The following PAMR1 variants were observed in gnomAD, a reference collection of about 807,000 sequenced individuals.
PAMR1 encodes the protein inactive serine protease PAMR1.
In PAMR1, 88 loss-of-function variants were observed where a neutral mutation model predicts 81.8. The observed-to-expected ratio is 1.08, with a 90% CI of 0.91 to 1.28. PAMR1 has a LOEUF of 1.28. PAMR1 is among the 50% of genes most tolerant of loss of function. PAMR1 has a pLI of 0.00. For missense variants in PAMR1, 935 were observed against 919.7 expected, an observed-to-expected ratio of 1.02 and a Z score of -0.21; for synonymous variants, 336 against 345.3, an observed-to-expected ratio of 0.97 and a Z score of 0.30.
intron 3 of PAMR1, among the ~76,000 whole-genome samples, chr11:35,488,199 T>G (rs1307929048): frequency 4.9e-4 from 11 of 22,658 alleles, no homozygotes; most frequent in Middle Eastern, 0.021. Context: ...TTTCCCATCT[T>G]TTTTTTTTTT....
At chr11:35,459,800 G>A (rs1006983591) in intron 6 of PAMR1, among the ~76,000 whole-genome samples, 1 of 152,202 alleles carries the variant, frequency 6.6e-6, no homozygotes, top group South Asian at 2.1e-4. Context: ...AAAGGGCTAA[G>A]ATTGGAATTG....
rs16927548 is a variant in PAMR1, at chr11:35,498,573, A to G, written c.74-4301T>C. Among the ~76,000 whole-genome samples, 1,002 of 152,332 alleles carry G rather than the reference A, an allele frequency of 6.6e-3. 9 individuals are homozygous for G. Among genetic ancestry groups the G allele is most frequent in the African/African-American group, 0.022 (919 of 41,574 alleles). On this transcript the variant is annotated intron_variant, in intron 1 of 10. Coordinates refer to ENST00000619888, the MANE Select transcript of PAMR1 (RefSeq NM_001001991.3). Reference sequence around the variant, plus strand: ...TTCTCAAGGATATGGTTTTTTACGTATGTCAGATCAATTTCTTGCTTAAAA... The same window carrying G: ...TTCTCAAGGATATGGTTTTTTACGTGTGTCAGATCAATTTCTTGCTTAAAA...
intron 3 of PAMR1, among the ~76,000 whole-genome samples, chr11:35,484,507 C>G (rs1177512783): frequency 6.6e-6 from 1 of 152,236 alleles, no homozygotes; most frequent in Non-Finnish European, 1.5e-5. Flanking sequence ...TAAGCCTTCT[C>G]CCCACTCCCC....
chr11:35,433,804 A>G (rs895606682), intron 10 of PAMR1, among the ~76,000 whole-genome samples: 2 of 150,692 alleles, frequency 1.3e-5, no homozygotes, highest in Admixed American at 6.6e-5. Flanking sequence ...GGATGGATGG[A>G]TAGATGGAGG....
intron 1 of PAMR1, among the ~76,000 whole-genome samples, chr11:35,506,750 C>G (rs1850965859): frequency 6.6e-6 from 1 of 151,744 alleles, no homozygotes; most frequent in Non-Finnish European, 1.5e-5. Flanking sequence ...TTGTCCTTGA[C>G]TTTTAAGAGT....
intron 1 of PAMR1, among the ~76,000 whole-genome samples, chr11:35,512,721 G>A (rs1851095307): frequency 6.6e-6 from 1 of 152,160 alleles, no homozygotes; most frequent in Non-Finnish European, 1.5e-5. Flanking sequence ...GGGTGGGCAT[G>A]GTGGTTCATG....
intron 6 of PAMR1, among the ~76,000 whole-genome samples, chr11:35,442,414 G>A (rs975807011): frequency 1.3e-5 from 2 of 152,040 alleles, no homozygotes; most frequent in African/African-American, 2.4e-5. Context: ...AGGATTTTTA[G>A]ATATATTCTG....
chr11:35,497,936 C>T (rs948177987), intron 1 of PAMR1, among the ~76,000 whole-genome samples: 10 of 151,966 alleles, frequency 6.6e-5, no homozygotes, highest in African/African-American at 2.4e-4. Context: ...GGGAAGCCAT[C>T]CAGTTAGAAA....
intron 6 of PAMR1, among the ~76,000 whole-genome samples, chr11:35,449,312 G>C (rs940331078): frequency 5.3e-5 from 8 of 151,882 alleles, no homozygotes; most frequent in African/African-American, 1.9e-4. Context: ...CTCAGAGCCA[G>C]CAAGCAGGAA....
chr11:35,464,202 A>C (rs992972355), intron 6 of PAMR1, among the ~76,000 whole-genome samples: 7 of 152,366 alleles, frequency 4.6e-5, no homozygotes, highest in African/African-American at 1.7e-4. Flanking sequence ...TAATAGCAAA[A>C]TGTTAAAAGC....
intron 1 of PAMR1, among the ~76,000 whole-genome samples, chr11:35,494,757 T>C (rs2135402512): frequency 6.6e-6 from 1 of 152,224 alleles, no homozygotes; most frequent in African/African-American, 2.4e-5. Flanking sequence ...GTCTCCAAAG[T>C]AGGGAGACCT....
At chr11:35,516,903 C>G (rs1482306163) in intron 1 of PAMR1, among the ~76,000 whole-genome samples, 1 of 152,020 alleles carries the variant, frequency 6.6e-6, no homozygotes, top group Non-Finnish European at 1.5e-5. Flanking sequence ...GGGGGCAGCT[C>G]AAACAAATAA....
intron 1 of PAMR1, among the ~76,000 whole-genome samples, chr11:35,500,685 A>C (rs1356798975): frequency 6.6e-6 from 1 of 152,222 alleles, no homozygotes; most frequent in African/African-American, 2.4e-5. Flanking sequence ...ACGTTCTGTG[A>C]AATGTGTCAT....
intron 6 of PAMR1, among the ~76,000 whole-genome samples, chr11:35,456,275 A>C (rs1856530805): frequency 6.6e-6 from 1 of 152,204 alleles, no homozygotes. Context: ...GATGAATTTG[A>C]ATGAGGTGCA....
intron 1 of PAMR1, among the ~76,000 whole-genome samples, chr11:35,518,054 G>A (rs1851200228): frequency 6.6e-6 from 1 of 152,102 alleles, no homozygotes; most frequent in Admixed American, 6.6e-5. Flanking sequence ...TTTCCACGAG[G>A]GCTTGAGATA....
intron 1 of PAMR1, among the ~76,000 whole-genome samples, chr11:35,510,657 T>C (rs1320365757): frequency 2.0e-5 from 3 of 152,226 alleles, no homozygotes; most frequent in Admixed American, 2.0e-4. Flanking sequence ...TATTAACAAA[T>C]GTATAAACAT....
intron 6 of PAMR1, among the ~76,000 whole-genome samples, chr11:35,449,716 C>A (rs1040744877): frequency 6.6e-6 from 1 of 152,248 alleles, no homozygotes; most frequent in Non-Finnish European, 1.5e-5. Context: ...TGCTTGAGAC[C>A]AAAGGCCCTG....
upstream of PAMR1, among the ~76,000 whole-genome samples, chr11:35,527,933 C>G (rs772481139): frequency 1.3e-5 from 2 of 152,128 alleles, no homozygotes; most frequent in Non-Finnish European, 2.9e-5. Flanking sequence ...GTAACTGTCC[C>G]CATGATTCAA....
rs898229736 is a variant in PAMR1, at chr11:35,497,922, T to G, written c.74-3650A>C. Among the ~76,000 whole-genome samples the G allele has an allele frequency of 3.3e-5, 5 of 152,252 alleles. No individual in the cohort carries two copies. The East Asian group carries it at 5.8e-4, about 18-fold the overall frequency. On this transcript the variant is annotated intron_variant, in intron 1 of 10. Coordinates refer to ENST00000619888, the MANE Select transcript of PAMR1 (RefSeq NM_001001991.3). ...ATCATATTTTCAAAGGCTGAGAGAA[T>G]GAAGGGAAGCCATCCAGTTAGAAAG...
Sources: gnomAD v4.1 joint callset for allele counts (sites outside exome capture counted in the v4.1 genomes callset) on GRCh38, gnomAD v4.1.1 for gene constraint, MANE v1.5 for transcripts, NCBI Gene and HGNC (gene_info 2026-07-23, HGNC 2026-07-21) for gene names.